The following GALNT13 variants were observed in gnomAD, a reference collection of about 807,000 sequenced individuals.
The protein encoded by GALNT13 is UDP-GalNAc:polypeptide N-acetylgalactosaminyltransferase 13.
In GALNT13, 28 loss-of-function variants were observed where a neutral mutation model predicts 64.2. The observed-to-expected ratio is 0.44, with a 90% CI of 0.32 to 0.60. The LOEUF is 0.60. Among genes scored for constraint, GALNT13 ranks in the 20% least tolerant of loss-of-function variants. The pLI, the probability that GALNT13 is intolerant of heterozygous loss-of-function variation, is 0.05. For synonymous variants in GALNT13, 214 were observed against 224.6 expected (o/e 0.95, Z 0.42); for missense variants, 577 against 669.8 (o/e 0.86, Z 1.53).
chr2:153,158,209 T>G, the GALNT13 span, among the ~76,000 whole-genome samples: 2 of 152,174 alleles, frequency 1.3e-5, no homozygotes, highest in African/African-American at 4.8e-5. Context: ...CTTAAGGTTT[T>G]ATTAGTATGA....
At chr2:154,391,611 A>T (rs1162500524) in intron 9 of GALNT13, among the ~76,000 whole-genome samples, 4 of 152,206 alleles carry the variant, frequency 2.6e-5, no homozygotes, top group African/African-American at 9.6e-5. Flanking sequence ...GGCAGAATGG[A>T]TGTCAGGCGT....
intron 3 of GALNT13, among the ~76,000 whole-genome samples, chr2:154,006,553 A>G (rs969568857): frequency 7.2e-5 from 11 of 152,228 alleles, no homozygotes; most frequent in African/African-American, 1.2e-4. Context: ...GTGGGTTCCA[A>G]TAACAGTGGA....
chr2:153,936,212 G>A (rs1370140589), intron 2 of GALNT13, among the ~76,000 whole-genome samples: 3 of 152,116 alleles, frequency 2.0e-5, no homozygotes, highest in African/African-American at 7.2e-5. Flanking sequence ...AAACAATTTA[G>A]CATTAACAAC....
chr2:154,297,986 A>G (rs1483912627), intron 8 of GALNT13, among the ~76,000 whole-genome samples: 1 of 152,158 alleles, frequency 6.6e-6, no homozygotes, highest in Non-Finnish European at 1.5e-5. Flanking sequence ...AAGAGGAGGT[A>G]TCAAGTAGAT....
At chr2:153,977,986 A>G (rs1463610088) in intron 3 of GALNT13, among the ~76,000 whole-genome samples, 1 of 152,138 alleles carries the variant, frequency 6.6e-6, no homozygotes, top group Non-Finnish European at 1.5e-5. Context: ...TTTGTAGATA[A>G]TCTTCCTCTT....
chr2:153,542,938 C>A, the GALNT13 span, among the ~76,000 whole-genome samples: 1 of 152,078 alleles, frequency 6.6e-6, no homozygotes, highest in Non-Finnish European at 1.5e-5. Context: ...ACCAACTTTA[C>A]ATGTATTTAT....
intron 3 of GALNT13, among the ~76,000 whole-genome samples, chr2:154,062,724 C>T (rs980682844): frequency 2.6e-5 from 4 of 152,108 alleles, no homozygotes; most frequent in Non-Finnish European, 4.4e-5. Context: ...AATTACAATT[C>T]GACATGAGAT....
chr2:153,797,932 A>G, the GALNT13 span, among the ~76,000 whole-genome samples: 1 of 152,180 alleles, frequency 6.6e-6, no homozygotes, highest in South Asian at 2.1e-4. Flanking sequence ...TAACTCTGAC[A>G]TAAGCCCTAC....
Position 154,409,063 on chromosome 2 carries a change from A to G in GALNT13, c.1376A>G (p.His459Arg), listed in dbSNP as rs1415354153. The G allele has an allele frequency of 1.9e-6, 3 of 1,606,954 alleles. No homozygotes were observed. Among genetic ancestry groups the G allele is most frequent in the Non-Finnish European group, 2.6e-6 (3 of 1,174,012 alleles). ...ENEKVGIFNC[H>R]GMGGNQVFSY... ...GAAAAAGTGGGTATATTCAACTGTC[A>G]TGGTATGGGAGGAAATCAGGTAAAC... Residue 459 changes from histidine (H) to arginine (R), a missense_variant, in exon 11 of 13, where the codon CAT becomes CGT. Around this residue, in one of 3 missense-constraint regions of GALNT13, gnomAD observed 232 missense variants for 270.6 expected, o/e 0.86. Coordinates refer to ENST00000392825, the MANE Select transcript of GALNT13 (RefSeq NM_052917.4).
the GALNT13 span, among the ~76,000 whole-genome samples, chr2:153,223,645 A>G: frequency 2.0e-5 from 3 of 152,320 alleles, no homozygotes; most frequent in East Asian, 1.9e-4. Flanking sequence ...ATTAGTGAAA[A>G]CATAACATCA....
At chr2:154,252,470 C>T (rs1690124568) in intron 7 of GALNT13, among the ~76,000 whole-genome samples, 1 of 151,748 alleles carries the variant, frequency 6.6e-6, no homozygotes, top group African/African-American at 2.4e-5. Context: ...CATTCCCCTG[C>T]CTCAGCCTCC....
intron 8 of GALNT13, chr2:154,287,362 A>G: frequency 1.8e-6 from 1 of 548,042 alleles, no homozygotes. Flanking sequence ...TCCAGCTCTC[A>G]TACTCTGGGA....
chr2:153,952,140 A>C (rs1574191026), intron 3 of GALNT13, among the ~76,000 whole-genome samples: 1 of 152,112 alleles, frequency 6.6e-6, no homozygotes, highest in African/African-American at 2.4e-5. Context: ...AAGTGCTGCT[A>C]CTCCTAATTT....
At chr2:153,214,909 T>C in the GALNT13 span, among the ~76,000 whole-genome samples, 2 of 152,110 alleles carry the variant, frequency 1.3e-5, no homozygotes, top group African/African-American at 2.4e-5. Flanking sequence ...CTAAAAACTC[T>C]TGGGTATCCA....
chr2:153,630,697 T>A, the GALNT13 span, among the ~76,000 whole-genome samples: 1,262 of 128,570 alleles, frequency 9.8e-3, 8 homozygotes, highest in Non-Finnish European at 0.017. Context: ...TTAAAAAAAA[T>A]TAATTCAAGA....
chr2:153,653,544 T>TA, the GALNT13 span, among the ~76,000 whole-genome samples: 1 of 152,050 alleles, frequency 6.6e-6, no homozygotes. Context: ...GAGATAAAGT[T>TA]AAAAAAACAA....
chr2:153,502,746 C>A, the GALNT13 span, among the ~76,000 whole-genome samples: 1 of 152,202 alleles, frequency 6.6e-6, no homozygotes, highest in African/African-American at 2.4e-5. Context: ...ACACCAACAT[C>A]TACAATTTTT....
intron 9 of GALNT13, among the ~76,000 whole-genome samples, chr2:154,334,719 C>T (rs890350198): frequency 6.6e-6 from 1 of 151,992 alleles, no homozygotes; most frequent in Non-Finnish European, 1.5e-5. Flanking sequence ...TAGGTTTGGG[C>T]AATCAACATT....
At chr2:153,607,692 C>G in the GALNT13 span, among the ~76,000 whole-genome samples, 3 of 151,908 alleles carry the variant, frequency 2.0e-5, no homozygotes, top group African/African-American at 7.3e-5. Flanking sequence ...TATGTGTTTA[C>G]TTTGAAATAA....
Sources: gnomAD v4.1 joint callset for allele counts (sites outside exome capture counted in the v4.1 genomes callset) on GRCh38, gnomAD v4.1.1 for gene constraint, gnomAD v4.1.1 regional missense constraint, MANE v1.5 for transcripts, NCBI Gene and HGNC (gene_info 2026-07-23, HGNC 2026-07-21) for gene names.